DCC: variants seen among roughly 807,000 people sequenced by gnomAD.
DCC encodes DCC netrin 1 receptor.
Under a neutral mutation model 172.5 loss-of-function variants are expected in DCC, and 58 were observed. The ratio of observed to expected loss-of-function variants is 0.34; its 90% CI spans 0.27 to 0.42. The LOEUF is 0.42. Among genes scored for constraint, DCC ranks in the 10% least tolerant of loss-of-function variants. The pLI, the probability that DCC is intolerant of heterozygous loss-of-function variation, is 1.00. For missense variants in DCC, 1,740 were observed against 1,791.0 expected (o/e 0.97, Z 0.51); for synonymous variants, 709 against 644.5 (o/e 1.10, Z -1.52).
intron 1 of DCC, among the ~76,000 whole-genome samples, chr18:52,443,904 GC>G (rs1988045274): frequency 6.6e-6 from 1 of 152,120 alleles, no homozygotes; most frequent in Admixed American, 6.5e-5. Context: ...TCTTGAAATA[GC>G]TCAGGTTATC....
intron 22 of DCC, among the ~76,000 whole-genome samples, chr18:53,445,548 T>C (rs1163137427): frequency 1.3e-5 from 2 of 152,212 alleles, no homozygotes; most frequent in African/African-American, 2.4e-5. Context: ...TCAATGATAA[T>C]TAAGTACTCA....
chr18:53,474,453 T>G (rs1274908103), intron 25 of DCC, among the ~76,000 whole-genome samples: 1 of 152,212 alleles, frequency 6.6e-6, no homozygotes, highest in Non-Finnish European at 1.5e-5. Context: ...CATCTTGAAT[T>G]CCCATGTCTT....
chr18:52,474,585 T>C (rs1461303579), intron 1 of DCC, among the ~76,000 whole-genome samples: 2 of 152,164 alleles, frequency 1.3e-5, no homozygotes, highest in Non-Finnish European at 2.9e-5. Flanking sequence ...CTCACTGAGG[T>C]TGTGACTTCA....
At chr18:52,452,064 A>G (rs1988322668) in intron 1 of DCC, among the ~76,000 whole-genome samples, 1 of 152,154 alleles carries the variant, frequency 6.6e-6, no homozygotes, top group East Asian at 1.9e-4. Context: ...GTTTGCAGAT[A>G]GAGGGAGTGA....
intron 1 of DCC, among the ~76,000 whole-genome samples, chr18:52,433,319 G>T (rs1285703797): frequency 6.6e-6 from 1 of 152,090 alleles, no homozygotes; most frequent in African/African-American, 2.4e-5. Context: ...TACTCACATT[G>T]CTTTCATATC....
chr18:52,683,848 C>T (rs16955358), intron 1 of DCC, among the ~76,000 whole-genome samples: 1,931 of 152,138 alleles, frequency 0.013, 53 homozygotes, highest in African/African-American at 0.044. Flanking sequence ...GTAAAAACCA[C>T]GTATGTACTG....
intron 1 of DCC, among the ~76,000 whole-genome samples, chr18:52,408,151 C>G (rs1986717648): frequency 6.6e-6 from 1 of 152,044 alleles, no homozygotes; most frequent in Admixed American, 6.6e-5. Context: ...GACTTACTAT[C>G]AATCACATAT....
intron 5 of DCC, among the ~76,000 whole-genome samples, chr18:52,952,152 G>A (rs183485474): frequency 2.6e-5 from 4 of 152,216 alleles, no homozygotes; most frequent in Admixed American, 2.6e-4. Context: ...CAAATGAAAT[G>A]CATTTTTTTC....
At chr18:53,000,158 C>T (rs1196172226) in intron 5 of DCC, among the ~76,000 whole-genome samples, 1 of 152,016 alleles carries the variant, frequency 6.6e-6, no homozygotes, top group Non-Finnish European at 1.5e-5. Context: ...TATTTTAAGC[C>T]ACCCAGTTTG....
At chr18:53,525,225 A>G (rs980515382) in intron 27 of DCC, among the ~76,000 whole-genome samples, 4 of 152,124 alleles carry the variant, frequency 2.6e-5, no homozygotes, top group African/African-American at 9.7e-5. Context: ...ACTTACTGTG[A>G]ATCCCAAATT....
intron 2 of DCC, among the ~76,000 whole-genome samples, chr18:52,781,101 C>T (rs1340541182): frequency 6.6e-6 from 1 of 152,114 alleles, no homozygotes; most frequent in Non-Finnish European, 1.5e-5. Context: ...GAATAATGCT[C>T]AGCCATGTAG....
intron 5 of DCC, among the ~76,000 whole-genome samples, chr18:52,926,845 AC>A (rs2040210883): frequency 6.8e-6 from 1 of 146,666 alleles, no homozygotes; most frequent in Non-Finnish European, 1.5e-5. Flanking sequence ...ACACACACAC[AC>A]ATATACGTGT....
At chr18:52,739,572 C>T (rs1249424175) in intron 1 of DCC, among the ~76,000 whole-genome samples, 74 of 152,254 alleles carry the variant, frequency 4.9e-4, no homozygotes, top group Non-Finnish European at 4.4e-5. Context: ...TCTGTCACTG[C>T]TATTCAGTGA....
intron 12 of DCC, among the ~76,000 whole-genome samples, chr18:53,269,363 A>G (rs2056720503): frequency 1.3e-5 from 2 of 152,194 alleles, no homozygotes; most frequent in Non-Finnish European, 2.9e-5. Context: ...TAGTTTAACA[A>G]CAATGGTCTA....
At chr18:52,351,046 G>A (rs1169434231) in intron 1 of DCC, among the ~76,000 whole-genome samples, 9 of 152,170 alleles carry the variant, frequency 5.9e-5, no homozygotes, top group Non-Finnish European at 1.2e-4. Flanking sequence ...AAATACTGTA[G>A]GAAAGGGTCT....
At chr18:53,527,196 C>A (rs2046468182) in intron 28 of DCC, among the ~76,000 whole-genome samples, 1 of 139,756 alleles carries the variant, frequency 7.2e-6, no homozygotes, top group Non-Finnish European at 1.5e-5. Context: ...CTATATAACT[C>A]TTCTTCTTCC....
chr18:52,655,350 G>C (rs890214444), intron 1 of DCC, among the ~76,000 whole-genome samples: 1 of 152,038 alleles, frequency 6.6e-6, no homozygotes, highest in Non-Finnish European at 1.5e-5. Flanking sequence ...ATTAATAATC[G>C]AGCCATAGAG....
rs1309263840 is a variant in DCC at position 52,699,404 on chromosome 18, C to A, written c.92-52650C>A. Among the ~76,000 whole-genome samples, 8 of 152,178 alleles carry A rather than the reference C, an allele frequency of 5.3e-5. 1 individual carries two copies. The East Asian group carries it at 1.5e-3, about 29-fold the overall frequency. ...AGAGGAATACTATATCTGAATTATC[C>A]CCTATCCCCCCCAAGGTTTGACTGT... On this transcript the variant is annotated intron_variant, in intron 1 of 28. Coordinates refer to ENST00000442544, the MANE Select transcript of DCC (RefSeq NM_005215.4).
chr18:52,677,356 G>C (rs1328519929), intron 1 of DCC, among the ~76,000 whole-genome samples: 1 of 152,098 alleles, frequency 6.6e-6, no homozygotes, highest in African/African-American at 2.4e-5. Flanking sequence ...TAAAATGCTT[G>C]TTCTTGAGGC....
Sources: gnomAD v4.1 joint callset for allele counts (sites outside exome capture counted in the v4.1 genomes callset) on GRCh38, gnomAD v4.1.1 for gene constraint, MANE v1.5 for transcripts, NCBI Gene and HGNC (gene_info 2026-07-23, HGNC 2026-07-21) for gene names.